AGPAT1: variants seen among roughly 807,000 people sequenced by gnomAD.
AGPAT1 encodes the protein 1-acylglycerol-3-phosphate O-acyltransferase 1, also known as 1-acyl-sn-glycerol-3-phosphate acyltransferase alpha.
In AGPAT1, 6 loss-of-function variants were observed where a neutral mutation model predicts 31.2. The observed-to-expected ratio is 0.19, with a 90% CI of 0.11 to 0.38. The LOEUF (loss-of-function observed/expected upper bound fraction) is 0.38. AGPAT1 is among the 10% of genes least tolerant of loss of function. AGPAT1 has a pLI of 1.00. For synonymous variants in AGPAT1, 139 were observed against 154.0 expected (o/e 0.90, Z 0.72); for missense variants, 187 against 377.8 (o/e 0.49, Z 4.19).
chr6:32,170,736 A>C lies in AGPAT1; in HGVS notation c.335-136T>G. On this transcript the variant is annotated intron_variant, in intron 3 of 6. Transcript: ENST00000375107. The surrounding 1 kb of genome is among the most constrained non-coding windows in gnomAD (Gnocchi z 7.7). Reference sequence around the variant, plus strand: ...AGACTAGGCAGGGAGGGGGGCCCCAAGTGAAGGAAAGGGTGACCAAAAGTA... The same window carrying C: ...AGACTAGGCAGGGAGGGGGGCCCCACGTGAAGGAAAGGGTGACCAAAAGTA... The C allele has an allele frequency of 7.7e-7, 1 of 1,305,138 alleles. No individual in the cohort carries two copies. The highest frequency in any genetic ancestry group is 1.1e-6 in the Non-Finnish European group (1 of 923,126). The allele number at this position is 1,305,138 out of a possible 1,614,324, so 80.8% of individuals were successfully genotyped here. A position where few individuals can be genotyped will look rare whatever the true frequency, so the allele number is the denominator to read the frequency against.
In AGPAT1 at chr6:32,170,388, T is replaced by C; in HGVS notation, c.510+37A>G. Reference sequence around the variant, plus strand: ...GTTTATTTACAACTGTTCTACTCTGTATCCCTCCAATCCCCCATTTCCCCA... The same window carrying C: ...GTTTATTTACAACTGTTCTACTCTGCATCCCTCCAATCCCCCATTTCCCCA... On this transcript the variant is annotated intron_variant, in intron 4 of 6. Transcript: ENST00000375107. This position sits in a 1 kb window ranked among gnomAD's most constrained non-coding sequence, Gnocchi z 7.7. The C allele has an allele frequency of 6.2e-7, 1 of 1,613,744 alleles. No homozygotes were observed. The highest frequency in any genetic ancestry group is 8.5e-7 in the Non-Finnish European group (1 of 1,179,806).
rs888325761 is a variant in AGPAT1, at chr6:32,173,317, C to T, written c.-9-1812G>A. On this transcript the variant is annotated intron_variant, in intron 1 of 6. Transcript: ENST00000375107. The surrounding 1 kb of genome is among the most constrained non-coding windows in gnomAD (Gnocchi z 4.7). ...GCTCAAAGGTAAGCCTATTGCCAAG[C>T]GAGAAGGTAACAGGCAATAGAGGAA... 6.6e-6 allele frequency among the ~76,000 whole-genome samples: 1 copy of T among 152,268 alleles called. No individual in the cohort carries two copies. Among genetic ancestry groups the T allele is most frequent in the Non-Finnish European group, 1.5e-5 (1 of 68,014 alleles).
rs1304780400 is a variant in AGPAT1 at position 32,175,569 on chromosome 6, C to A, written c.-10+245G>T. 6.6e-6 allele frequency among the ~76,000 whole-genome samples: 1 copy of A among 152,132 alleles called. No homozygotes were observed. The highest frequency in any genetic ancestry group is 1.5e-5 in the Non-Finnish European group (1 of 68,004). On this transcript the variant is annotated intron_variant, in intron 1 of 6. Coordinates refer to ENST00000375107, the MANE Select transcript of AGPAT1 (RefSeq NM_006411.4). This position sits in a 1 kb window ranked among gnomAD's most constrained non-coding sequence, Gnocchi z 4.5. ...AATTCCCTCTCCAGGATTCCCTGTGCACGCTCCCAGTCCCAAATTCACAAG... is the reference window on the plus strand; with the variant it reads ...AATTCCCTCTCCAGGATTCCCTGTGAACGCTCCCAGTCCCAAATTCACAAG...
chr6:32,169,545 T>C lies in AGPAT1; in HGVS notation c.680-97A>G. The C allele has an allele frequency of 6.9e-7, 1 of 1,450,590 alleles. No individual in the cohort carries two copies. Among genetic ancestry groups the C allele is most frequent in the Non-Finnish European group, 9.4e-7 (1 of 1,066,276 alleles). The allele number at this position is 1,450,590 out of a possible 1,614,324, so 89.9% of individuals were successfully genotyped here. On this transcript the variant is annotated intron_variant, in intron 6 of 6. Coordinates refer to ENST00000375107, the MANE Select transcript of AGPAT1 (RefSeq NM_006411.4). This position sits in a 1 kb window ranked among gnomAD's most constrained non-coding sequence, Gnocchi z 5.9. ...GTGATACTCTTCCTCAACCTTTCAG[T>C]TCTCTTCCCCCAACCCTGGACAACC...
rs936180944 is a variant in AGPAT1 at position 32,168,691 on chromosome 6, T to G, written c.*585A>C. ...TCTGGGCAAGGGCAGGCATGAGACC[T>G]CTGAATTAGAAGGGTCCAGCCCCCA... On this transcript the variant is annotated 3_prime_UTR_variant, in exon 7 of 7. Coordinates refer to ENST00000375107, the MANE Select transcript of AGPAT1 (RefSeq NM_006411.4). This position sits in a 1 kb window ranked among gnomAD's most constrained non-coding sequence, Gnocchi z 4.5. 6.5e-6 allele frequency: 1 copy of G among 154,404 alleles called. No homozygotes were observed. Among genetic ancestry groups the G allele is most frequent in the African/African-American group, 2.4e-5 (1 of 41,374 alleles). The allele number at this position is 154,404 out of a possible 1,614,324, so 9.6% of individuals were successfully genotyped here. A position where few individuals can be genotyped will look rare whatever the true frequency, so the allele number is the denominator to read the frequency against.
In AGPAT1 at chr6:32,170,141, A is replaced by G; in HGVS notation, c.606+24T>C. ...GAATGGTGGGGGTTGGCAGCTGAGT[A>G]GCAGAACGAAGAGCAGTAGTCACCT... On this transcript the variant is annotated intron_variant, in intron 5 of 6. Transcript: ENST00000375107. The surrounding 1 kb of genome is among the most constrained non-coding windows in gnomAD (Gnocchi z 7.7). 6.2e-7 allele frequency: 1 copy of G among 1,613,536 alleles called. No individual in the cohort carries two copies. Among genetic ancestry groups the G allele is most frequent in the Non-Finnish European group, 8.5e-7 (1 of 1,179,462 alleles).
At position 32,171,821 on chromosome 6, in the gene AGPAT1, A is replaced by G; in HGVS notation, c.-9-316T>C. 5.8e-6 allele frequency: 3 copies of G among 518,714 alleles called. No individual in the cohort carries two copies. Among genetic ancestry groups the G allele is most frequent in the Non-Finnish European group, 1.0e-5 (3 of 287,716 alleles). 32.1% of individuals were successfully genotyped at this position (518,714 alleles called of 1,614,324 possible). On this transcript the variant is annotated intron_variant, in intron 1 of 6. Transcript: ENST00000375107. The surrounding 1 kb of genome is among the most constrained non-coding windows in gnomAD (Gnocchi z 6.9). ...AACAAGAATAATAGCTAACACTTGT[A>G]GCTGGTAAGGGTCTTATAATGGTCT...
chr6:32,169,270 C>A lies in AGPAT1; in HGVS notation c.*6G>T, dbSNP rs1277227472. Reference sequence around the variant, plus strand: ...GACAGATGGGAGGAGAGCTCAGAGCCAGGGTTCACCCACCGCCCCCAGGCT... The same window carrying A: ...GACAGATGGGAGGAGAGCTCAGAGCAAGGGTTCACCCACCGCCCCCAGGCT... On this transcript the variant is annotated 3_prime_UTR_variant, in exon 7 of 7. Transcript: ENST00000375107. The surrounding 1 kb of genome is among the most constrained non-coding windows in gnomAD (Gnocchi z 5.9). 1 of 1,612,284 alleles carries A rather than the reference C, an allele frequency of 6.2e-7. No homozygotes were observed. Among genetic ancestry groups the A allele is most frequent in the South Asian group, 1.1e-5 (1 of 91,012 alleles).
At position 32,176,068 on chromosome 6, in the gene AGPAT1, G is replaced by T. The variant is rs551576878; in HGVS notation, c.-264C>A. 1.5e-5 allele frequency: 15 copies of T among 985,334 alleles called. No individual in the cohort carries two copies. Among genetic ancestry groups the T allele is most frequent in the Non-Finnish European group, 1.8e-5 (15 of 829,992 alleles). 61.0% of individuals were successfully genotyped at this position (985,334 alleles called of 1,614,324 possible). The stretch of plus-strand genomic sequence containing the variant: ...CTTTCTGCTGTCTCTCTGAGGGCTG[G>T]GGCTGCTGCCGCCGCTATTCCCCCG... On this transcript the variant is annotated 5_prime_UTR_variant, in exon 1 of 7. Transcript: ENST00000375107.
Position 32,170,329 on chromosome 6 carries a change from T to C in AGPAT1, c.511-69A>G. On this transcript the variant is annotated intron_variant, in intron 4 of 6. Transcript: ENST00000375107. This position sits in a 1 kb window ranked among gnomAD's most constrained non-coding sequence, Gnocchi z 7.7. Reference sequence around the variant, plus strand: ...AGTCAGAATAGGTGTGATGTTATAATGGGACCTTTGAGGCCCACTGGCCCT... The same window carrying C: ...AGTCAGAATAGGTGTGATGTTATAACGGGACCTTTGAGGCCCACTGGCCCT... 1 of 1,606,826 alleles carries C rather than the reference T, an allele frequency of 6.2e-7. No individual in the cohort carries two copies. The highest frequency in any genetic ancestry group is 8.5e-7 in the Non-Finnish European group (1 of 1,174,504).
Position 32,176,056 on chromosome 6 carries a change from C to G in AGPAT1, c.-252G>C. 1.3e-6 allele frequency: 1 copy of G among 788,148 alleles called. No individual in the cohort carries two copies. Among genetic ancestry groups the G allele is most frequent in the South Asian group, 5.8e-5 (1 of 17,128 alleles). The allele number at this position is 788,148 out of a possible 1,614,324, so 48.8% of individuals were successfully genotyped here. ...CTCCCTCCCTCCCTTTCTGCTGTCT[C>G]TCTGAGGGCTGGGGCTGCTGCCGCC... On this transcript the variant is annotated 5_prime_UTR_variant, in exon 1 of 7. Transcript: ENST00000375107.
rs951707619 is a variant in AGPAT1 at position 32,172,077 on chromosome 6, G to A, written c.-9-572C>T. The stretch of plus-strand genomic sequence containing the variant: ...GCCTGTAATCCCAGCACTTTGGGAA[G>A]CCGAGGTGGGCAGATCACGAGGTCA... On this transcript the variant is annotated intron_variant, in intron 1 of 6. Coordinates refer to ENST00000375107, the MANE Select transcript of AGPAT1 (RefSeq NM_006411.4). This position sits in a 1 kb window ranked among gnomAD's most constrained non-coding sequence, Gnocchi z 4.3. 1.3e-5 allele frequency: 2 copies of A among 158,046 alleles called. No individual in the cohort carries two copies. Among genetic ancestry groups the A allele is most frequent in the East Asian group, 1.9e-4 (1 of 5,308 alleles). The allele number at this position is 158,046 out of a possible 1,614,324, so 9.8% of individuals were successfully genotyped here. A position where few individuals can be genotyped will look rare whatever the true frequency, so the allele number is the denominator to read the frequency against.
upstream of AGPAT1, chr6:32,177,392 C>T (rs1452768531): frequency 6.7e-6 from 2 of 299,022 alleles, no homozygotes; most frequent in Admixed American, 1.0e-4. Context: ...AAGGGGCGGG[C>T]TTTGTCCCTT....
chr6:32,175,041 G>C lies in AGPAT1; in HGVS notation c.-10+773C>G, dbSNP rs1785412067. Reference sequence around the variant, plus strand: ...CTGCAAATGGTAGGACCATGGACATGTCAGCCAAAGCAAAATAAGGTATAT... The same window carrying C: ...CTGCAAATGGTAGGACCATGGACATCTCAGCCAAAGCAAAATAAGGTATAT... On this transcript the variant is annotated intron_variant, in intron 1 of 6. Coordinates refer to ENST00000375107, the MANE Select transcript of AGPAT1 (RefSeq NM_006411.4). The surrounding 1 kb of genome is among the most constrained non-coding windows in gnomAD (Gnocchi z 4.5). 6.6e-6 allele frequency among the ~76,000 whole-genome samples: 1 copy of C among 152,236 alleles called. No homozygotes were observed. Among genetic ancestry groups the C allele is most frequent in the Non-Finnish European group, 1.5e-5 (1 of 68,048 alleles).
chr6:32,170,688 G>A lies in AGPAT1; in HGVS notation c.335-88C>T, dbSNP rs773964370. On this transcript the variant is annotated intron_variant, in intron 3 of 6. Transcript: ENST00000375107. The surrounding 1 kb of genome is among the most constrained non-coding windows in gnomAD (Gnocchi z 7.7). Reference sequence around the variant, plus strand: ...ACCTCACCCAGCTCATCACCCTCTGGTAGGGACTGGAGGTGAAGGAGGAGA... The same window carrying A: ...ACCTCACCCAGCTCATCACCCTCTGATAGGGACTGGAGGTGAAGGAGGAGA... 2.1e-5 allele frequency: 32 copies of A among 1,507,864 alleles called. No homozygotes were observed. Among genetic ancestry groups the A allele is most frequent in the Admixed American group, 5.2e-5 (3 of 57,620 alleles). 93.4% of individuals were successfully genotyped at this position (1,507,864 alleles called of 1,614,324 possible). A position where few individuals can be genotyped will look rare whatever the true frequency, so the allele number is the denominator to read the frequency against.
chr6:32,169,599 G>T lies in AGPAT1; in HGVS notation c.680-151C>A. On this transcript the variant is annotated intron_variant, in intron 6 of 6. Transcript: ENST00000375107. The surrounding 1 kb of genome is among the most constrained non-coding windows in gnomAD (Gnocchi z 5.9). ...CCTGGGCTTGCCAGCTGCCACTTCT[G>T]AGGCCCTTCTCCTATACAAAGCCTT... The T allele has an allele frequency of 1.1e-6, 1 of 882,682 alleles. No homozygotes were observed. The allele number at this position is 882,682 out of a possible 1,614,324, so 54.7% of individuals were successfully genotyped here. A position where few individuals can be genotyped will look rare whatever the true frequency, so the allele number is the denominator to read the frequency against.
In AGPAT1 at chr6:32,175,778, T is replaced by A. The variant is rs933726348; in HGVS notation, c.-10+36A>T. ...CTCATCCTAGTCGCTTTCAGCACCCTCTTCCCTCCTCCTCCCATCCCTTTC... is the reference window on the plus strand; with the variant it reads ...CTCATCCTAGTCGCTTTCAGCACCCACTTCCCTCCTCCTCCCATCCCTTTC... On this transcript the variant is annotated intron_variant, in intron 1 of 6. Coordinates refer to ENST00000375107, the MANE Select transcript of AGPAT1 (RefSeq NM_006411.4). This position sits in a 1 kb window ranked among gnomAD's most constrained non-coding sequence, Gnocchi z 4.5. The A allele has an allele frequency of 1.1e-5, 11 of 960,616 alleles. No homozygotes were observed. In the African/African-American group the frequency reaches 1.6e-4, roughly 14 times the overall value. The allele number at this position is 960,616 out of a possible 1,614,324, so 59.5% of individuals were successfully genotyped here.
In AGPAT1 at chr6:32,170,901, T is replaced by C. The variant is rs750107644; in HGVS notation, c.334+36A>G. On this transcript the variant is annotated intron_variant, in intron 3 of 6. Coordinates refer to ENST00000375107, the MANE Select transcript of AGPAT1 (RefSeq NM_006411.4). The surrounding 1 kb of genome is among the most constrained non-coding windows in gnomAD (Gnocchi z 7.7). ...AGGGAAGGTTTCAGGAGGGGAGGCATGGCTGGGGGAGGTGTGCCCTGTGGT... is the reference window on the plus strand; with the variant it reads ...AGGGAAGGTTTCAGGAGGGGAGGCACGGCTGGGGGAGGTGTGCCCTGTGGT... The C allele has an allele frequency of 1.3e-6, 2 of 1,591,288 alleles. No individual in the cohort carries two copies. Among genetic ancestry groups the C allele is most frequent in the Non-Finnish European group, 1.7e-6 (2 of 1,164,872 alleles).
upstream of AGPAT1, chr6:32,176,814 T>C (rs1785598588): frequency 5.1e-6 from 2 of 391,152 alleles, no homozygotes. Flanking sequence ...ACATACAATA[T>C]GGGTACATCT....
Sources: gnomAD v4.1 joint callset for allele counts (sites outside exome capture counted in the v4.1 genomes callset) on GRCh38, gnomAD v4.1.1 for gene constraint, Gnocchi (gnomAD v3.1) non-coding constraint, MANE v1.5 for transcripts, NCBI Gene and HGNC (gene_info 2026-07-23, HGNC 2026-07-21) for gene names.